The following INTS8 variants were observed in gnomAD, a reference collection of about 807,000 sequenced individuals.
INTS8 encodes integrator complex subunit 8.
INTS8 carries 47 observed loss-of-function variants against 138.9 expected under a neutral mutation model. The observed-to-expected ratio is 0.34, with a 90% CI of 0.27 to 0.43. INTS8 has a LOEUF of 0.43. Among genes scored for constraint, INTS8 ranks in the 20% least tolerant of loss-of-function variants. The pLI is 1.00. For missense variants in INTS8, 996 were observed against 1,173.0 expected (o/e 0.85, Z 2.20); for synonymous variants, 392 against 400.9 (o/e 0.98, Z 0.27).
At position 94,853,766 on chromosome 8, in the gene INTS8, T is replaced by A. The variant is rs1330786419; in HGVS notation, c.1642-39T>A. 3 of 1,154,914 alleles carry A rather than the reference T, an allele frequency of 2.6e-6. No individual in the cohort carries two copies. In the Admixed American group the frequency reaches 5.2e-5, roughly 20 times the overall value. 71.5% of individuals were successfully genotyped at this position (1,154,914 alleles called of 1,614,324 possible). On this transcript the variant is annotated intron_variant, in intron 13 of 26. Coordinates refer to ENST00000523731, the MANE Select transcript of INTS8 (RefSeq NM_017864.4). The stretch of plus-strand genomic sequence containing the variant: ...ATTCTTATCTAGATTTGGCTTCCTC[T>A]ATGTGTGCATATATATATGTATTTT...
intron 8 of INTS8, 133 bp from the exon 9 acceptor site, chr8:94,841,358 A>G (rs986643087): frequency 1.4e-5 from 7 of 493,742 alleles, no homozygotes; most frequent in Non-Finnish European, 2.5e-5. Flanking sequence ...TTTTAGGAAG[A>G]AAAGGTTTTC....
At chr8:94,837,292 T>G (rs1814960237) in intron 7 of INTS8, among the ~76,000 whole-genome samples, 2 of 152,188 alleles carry the variant, frequency 1.3e-5, no homozygotes, top group African/African-American at 2.4e-5. Context: ...TCATTTGCAT[T>G]TTTCTTTTTT....
chr8:94,826,623 TA>T (rs1814514595), intron 2 of INTS8, among the ~76,000 whole-genome samples: 1 of 152,190 alleles, frequency 6.6e-6, no homozygotes, highest in South Asian at 2.1e-4. Context: ...GTGATTATGT[TA>T]AGAGTTAATT....
intron 16 of INTS8, chr8:94,864,597 A>G (rs1816109538): frequency 6.6e-6 from 1 of 152,262 alleles, no homozygotes; most frequent in Non-Finnish European, 1.5e-5. Context: ...AATTCCAGCT[A>G]CTCAGGAGGC....
intron 10 of INTS8, among the ~76,000 whole-genome samples, chr8:94,846,503 A>AC (rs1219332774): frequency 6.6e-6 from 1 of 151,626 alleles, no homozygotes; most frequent in East Asian, 1.9e-4. Context: ...CGAACTCCTG[A>AC]CCTCAGGCGA....
rs1454848358 is a variant in INTS8, at chr8:94,866,239, G to C, written c.2295+48G>C. 3 of 946,688 alleles carry C rather than the reference G, an allele frequency of 3.2e-6. No individual in the cohort carries two copies. The East Asian group carries it at 7.4e-5, about 23-fold the overall frequency. The allele number at this position is 946,688 out of a possible 1,614,324, so 58.6% of individuals were successfully genotyped here. On this transcript the variant is annotated intron_variant, in intron 18 of 26. Transcript: ENST00000523731. ...CTAATTACTATTGCTGGTTTTTGTA[G>C]AATATGACTAAAAATTATTGGGTAC...
rs1287311626 is a variant in INTS8, at chr8:94,849,924, G to A, written c.1340G>A (p.Cys447Tyr). The A allele has an allele frequency of 4.3e-6, 7 of 1,609,384 alleles. No homozygotes were observed. Among genetic ancestry groups the A allele is most frequent in the East Asian group, 2.2e-5 (1 of 44,762 alleles). ...GNMAAFLKNV[C>Y]LGLEDLQYVF... is the part of the protein sequence containing the mutation. ...ATTTCTTACTGATCTAGGAATGTGT[G>A]TCTGGGGTTGGAAGATCTGCAGTAT... is the stretch of plus-strand genomic sequence containing the variant. Residue 447 changes from cysteine (C) to tyrosine (Y), a missense_variant, in exon 12 of 27, where the codon TGT becomes TAT. Physicochemically the swap from Cys to Tyr is radical, Grantham distance 194. Coordinates refer to ENST00000523731, the MANE Select transcript of INTS8 (RefSeq NM_017864.4).
chr8:94,837,867 C>A (rs373139928), intron 7 of INTS8, among the ~76,000 whole-genome samples: 2 of 152,024 alleles, frequency 1.3e-5, no homozygotes, highest in Non-Finnish European at 2.9e-5. Flanking sequence ...CATATTCTTA[C>A]CATTTTTTTG....
chr8:94,828,045 G>GTT (rs67211071), intron 4 of INTS8, among the ~76,000 whole-genome samples: 1 of 141,862 alleles, frequency 7.0e-6, no homozygotes. Context: ...TTTTTTTTTT[G>GTT]TTTTTTTTTT....
At position 94,867,304 on chromosome 8, in the gene INTS8, A is replaced by T. The variant is rs1355858828; in HGVS notation, c.2381A>T (p.Glu794Val). 9.9e-6 allele frequency: 16 copies of T among 1,612,190 alleles called. No individual in the cohort carries two copies. Among genetic ancestry groups the T allele is most frequent in the Non-Finnish European group, 1.4e-5 (16 of 1,179,062 alleles). Residue 794 changes from glutamate to valine, a missense_variant, in exon 20 of 27, where the codon GAA becomes GTA. Coordinates refer to ENST00000523731, the MANE Select transcript of INTS8 (RefSeq NM_017864.4). ...REDIVNDITA[E>V]HISIWPSSIP... is the part of the protein sequence containing the mutation. Reference sequence around the variant, plus strand: ...GACATTGTGAATGATATTACAGCTGAACACATTTCTATTTGGCCATCTTCC... The same window carrying T: ...GACATTGTGAATGATATTACAGCTGTACACATTTCTATTTGGCCATCTTCC...
intron 6 of INTS8, among the ~76,000 whole-genome samples, chr8:94,833,204 C>G (rs1814792287): frequency 6.6e-6 from 1 of 152,040 alleles, no homozygotes; most frequent in Non-Finnish European, 1.5e-5. Context: ...ATCACTAATT[C>G]CTTTTCTGGA....
At chr8:94,824,196 G>A (rs1286319447) in intron 1 of INTS8, among the ~76,000 whole-genome samples, 2 of 152,210 alleles carry the variant, frequency 1.3e-5, no homozygotes, top group Non-Finnish European at 2.9e-5. Flanking sequence ...CTCAAAAAAG[G>A]TATTGGCACA....
chr8:94,852,035 C>T (rs946848345), intron 13 of INTS8, among the ~76,000 whole-genome samples: 9 of 152,104 alleles, frequency 5.9e-5, no homozygotes, highest in Non-Finnish European at 1.3e-4. Flanking sequence ...CTCTGTCTCC[C>T]AGATTCAAGT....
chr8:94,879,608 AAACAAAC>A (rs1816713083), intron 26 of INTS8, among the ~76,000 whole-genome samples: 1 of 121,076 alleles, frequency 8.3e-6, no homozygotes, highest in Admixed American at 9.0e-5. Context: ...AAAAAACAAA[AAACAAAC>A]AAAAAAAAAC....
chr8:94,852,710 T>TCC (rs528375373), intron 13 of INTS8, among the ~76,000 whole-genome samples: 39 of 152,052 alleles, frequency 2.6e-4, no homozygotes, highest in Non-Finnish European at 4.7e-4. Context: ...TTCCTCAGCC[T>TCC]CCCGAGTAGC....
intron 16 of INTS8, among the ~76,000 whole-genome samples, chr8:94,865,228 A>G (rs912939650): frequency 1.3e-5 from 2 of 152,012 alleles, no homozygotes; most frequent in Admixed American, 6.6e-5. Flanking sequence ...TAAATCACCT[A>G]TCTCTTTGCG....
intron 16 of INTS8, among the ~76,000 whole-genome samples, chr8:94,861,665 G>T (rs1019984883): frequency 8.6e-5 from 13 of 151,812 alleles, no homozygotes; most frequent in African/African-American, 2.7e-4. Context: ...CAATTCTCCT[G>T]CCTCAGCCCC....
intron 23 of INTS8, among the ~76,000 whole-genome samples, chr8:94,875,312 T>TA (rs1816530463): frequency 6.6e-6 from 1 of 152,160 alleles, no homozygotes; most frequent in South Asian, 2.1e-4. Flanking sequence ...GAGTTACTGT[T>TA]ACGTGGTACA....
At chr8:94,832,607 C>G (rs1814765328) in intron 6 of INTS8, among the ~76,000 whole-genome samples, 1 of 152,038 alleles carries the variant, frequency 6.6e-6, no homozygotes, top group Admixed American at 6.6e-5. Context: ...GCCCCTTGTT[C>G]CTTTCACAGT....
Sources: allele counts gnomAD v4.1 joint callset (sites outside exome capture counted in the v4.1 genomes callset), GRCh38; gene constraint gnomAD v4.1.1; transcripts MANE v1.5; gene names NCBI Gene and HGNC (gene_info 2026-07-23, HGNC 2026-07-21).